Variants in AP1S3 observed in about 807,000 individuals in gnomAD.
The protein encoded by AP1S3 is adaptor related protein complex 1 subunit sigma 3.
Under a neutral mutation model 20.9 loss-of-function variants are expected in AP1S3, and 10 were observed. The ratio of observed to expected loss-of-function variants is 0.48; its 90% CI spans 0.29 to 0.81. The LOEUF (loss-of-function observed/expected upper bound fraction) is 0.81, where lower values mean the gene tolerates loss of function less well. AP1S3 is among the 30% of genes least tolerant of loss of function. The pLI is 0.08. For missense variants in AP1S3, 154 were observed against 183.8 expected (o/e 0.84, Z 0.94); for synonymous variants, 41 against 61.5 (o/e 0.67, Z 1.56).
intron 3 of AP1S3, 38 bp from the exon 4 acceptor site, chr2:223,765,388 G>C (rs1206481654): frequency 6.3e-7 from 1 of 1,580,444 alleles, no homozygotes. Context: ...TAAACTTGCA[G>C]TTGTATCAGG....
At position 223,765,316 on chromosome 2, in the gene AP1S3, T is replaced by G. The variant is rs1460999934; in HGVS notation, c.326A>C (p.Lys109Thr). 1 of 1,612,924 alleles carries G rather than the reference T, an allele frequency of 6.2e-7. No homozygotes were observed. The highest frequency in any genetic ancestry group is 8.5e-7 in the Non-Finnish European group (1 of 1,179,776). ...AAACTCGTCCAGGATGAAATAAGCC[T>G]TTTCAAAATTAAAGATAATATCCAG... ...CELDIIFNFE[K>T]AYFILDEFII... Residue 109 changes from lysine (K) to threonine (T), a missense_variant, in exon 4 of 5, where the codon AAG becomes ACG. Coordinates refer to ENST00000396654, the MANE Select transcript of AP1S3 (RefSeq NM_001039569.2).
rs527671959 is a variant in AP1S3, at chr2:223,828,058, T to TAAAAA, written c.3+9385_3+9389dup. Among the ~76,000 whole-genome samples the TAAAAA allele has an allele frequency of 1.1e-3, 102 of 94,376 alleles. 1 individual carries two copies. Among genetic ancestry groups the TAAAAA allele is most frequent in the Non-Finnish European group, 1.3e-3 (57 of 44,156 alleles). 61.9% of individuals were successfully genotyped at this position (94,376 alleles called of 152,430 possible). A position where few individuals can be genotyped will look rare whatever the true frequency, so the allele number is the denominator to read the frequency against. On this transcript the variant is annotated intron_variant, in intron 1 of 4. Coordinates refer to ENST00000396654, the MANE Select transcript of AP1S3 (RefSeq NM_001039569.2). Reference sequence around the variant, plus strand: ...TGGGGTACAAGAGCAAGACTTCATCTAAAAAAAAAAAAAAAAAAAAAAAAA... The same window carrying TAAAAA: ...TGGGGTACAAGAGCAAGACTTCATCTAAAAAAAAAAAAAAAAAAAAAAAAAAAAAA...
intron 1 of AP1S3, among the ~76,000 whole-genome samples, chr2:223,822,887 T>C (rs758609388): frequency 6.7e-6 from 1 of 150,262 alleles, no homozygotes; most frequent in Admixed American, 6.6e-5. Flanking sequence ...AACAACTCAA[T>C]AGCAAAAAAA....
At chr2:223,803,996 T>C (rs560044462) in intron 1 of AP1S3, among the ~76,000 whole-genome samples, 71 of 152,196 alleles carry the variant, frequency 4.7e-4, no homozygotes, top group African/African-American at 1.7e-3. Context: ...AGTGCAAGGA[T>C]GACTTTATTC....
At chr2:223,770,379 C>T in intron 3 of AP1S3, 16 of 1,545,998 alleles carry the variant, frequency 1.0e-5, no homozygotes, top group Non-Finnish European at 1.1e-5. Flanking sequence ...ACTTCTTATA[C>T]CCCACTTTGA....
At chr2:223,764,812 T>C (rs1690437847) in intron 4 of AP1S3, among the ~76,000 whole-genome samples, 1 of 152,200 alleles carries the variant, frequency 6.6e-6, no homozygotes, top group African/African-American at 2.4e-5. Context: ...TTGAAAAGAA[T>C]AGCACTAAGT....
intron 1 of AP1S3, among the ~76,000 whole-genome samples, chr2:223,828,058 T>TAAAAAAAAA (rs527671959): frequency 3.4e-4 from 32 of 94,638 alleles, no homozygotes; most frequent in African/African-American, 7.5e-4. Context: ...AGACTTCATC[T>TAAAAAAAAA]AAAAAAAAAA....
chr2:223,773,737 AG>A (rs1450760300), intron 3 of AP1S3, among the ~76,000 whole-genome samples: 8 of 20,532 alleles, frequency 3.9e-4, no homozygotes, highest in African/African-American at 1.6e-3. Context: ...AATAACAACA[AG>A]AACAAAAAAA....
chr2:223,765,084 T>C (rs1173011363), intron 4 of AP1S3, 129 bp downstream of exon 4: 5 of 1,326,660 alleles, frequency 3.8e-6, no homozygotes, highest in African/African-American at 1.5e-5. Context: ...AGCTAATACA[T>C]ATAAATAGTT....
intron 1 of AP1S3, among the ~76,000 whole-genome samples, chr2:223,793,850 G>A (rs978985370): frequency 6.6e-6 from 1 of 151,690 alleles, no homozygotes; most frequent in Non-Finnish European, 1.5e-5. Context: ...CACCATGCTG[G>A]CCAGGCTCGT....
chr2:223,780,276 A>AATATATATATATATATAT (rs138804582), intron 1 of AP1S3, among the ~76,000 whole-genome samples: 4 of 24,384 alleles, frequency 1.6e-4, no homozygotes, highest in African/African-American at 3.1e-4. Flanking sequence ...ATGCCTGGCT[A>AATATATATATATATATAT]ATATATATAT....
At chr2:223,831,946 G>A (rs1280427269) in intron 1 of AP1S3, among the ~76,000 whole-genome samples, 1 of 151,930 alleles carries the variant, frequency 6.6e-6, no homozygotes, top group Non-Finnish European at 1.5e-5. Flanking sequence ...GCATGGTGGC[G>A]GGAGCCTGTA....
intron 1 of AP1S3, among the ~76,000 whole-genome samples, chr2:223,815,515 C>T (rs1034911459): frequency 6.6e-6 from 1 of 152,154 alleles, no homozygotes. Flanking sequence ...CTGAGGACTG[C>T]GGTACTAACC....
chr2:223,828,071 AAAAAAAAAAAAAAAAAAAAAAAG>A (rs1692174712), intron 1 of AP1S3, among the ~76,000 whole-genome samples: 1 of 38,574 alleles, frequency 2.6e-5, no homozygotes, highest in Admixed American at 3.7e-4. Context: ...AAAAAAAAAA[AAAAAAAAAAAAAAAAAAAAAAAG>A]AAGAAGAAGA....
Position 223,821,697 on chromosome 2 carries a change from C to T in AP1S3, c.3+15751G>A, listed in dbSNP as rs114403536. Among the ~76,000 whole-genome samples, 972 of 152,238 alleles carry T rather than the reference C, an allele frequency of 6.4e-3. 11 individuals are homozygous for T. Among genetic ancestry groups the T allele is most frequent in the African/African-American group, 0.022 (910 of 41,538 alleles). ...TGGCCCCTCCAGCCAGCTATGGACA[C>T]GAAAACCCCCATCTTCCAGCCACAC... On this transcript the variant is annotated intron_variant, in intron 1 of 4. Transcript: ENST00000396654.
chr2:223,809,030 T>C (rs1691650275), intron 1 of AP1S3, among the ~76,000 whole-genome samples: 1 of 152,164 alleles, frequency 6.6e-6, no homozygotes, highest in Non-Finnish European at 1.5e-5. Context: ...CTGGGGAAGT[T>C]TGAGGAGACC....
In AP1S3 at chr2:223,755,474, C is replaced by T. The variant is rs1326745079; in HGVS notation, c.*3241G>A. Among the ~76,000 whole-genome samples, 1 of 151,338 alleles carries T rather than the reference C, an allele frequency of 6.6e-6. No individual in the cohort carries two copies. Among genetic ancestry groups the T allele is most frequent in the Non-Finnish European group, 1.5e-5 (1 of 67,940 alleles). On this transcript the variant is annotated 3_prime_UTR_variant, in exon 5 of 5. Coordinates refer to ENST00000396654, the MANE Select transcript of AP1S3 (RefSeq NM_001039569.2). ...TAGCCTAGGCCCATGGAAGATGTCC[C>T]TAAAATCCCTCAAATTTACCCCACT...
At chr2:223,770,048 T>C in intron 3 of AP1S3, 1 of 1,306,572 alleles carries the variant, frequency 7.7e-7, no homozygotes, top group Non-Finnish European at 1.0e-6. Context: ...CCGGCCGCGA[T>C]CCTATTTTTA....
chr2:223,818,257 A>C (rs929291137), intron 1 of AP1S3, among the ~76,000 whole-genome samples: 12 of 152,040 alleles, frequency 7.9e-5, no homozygotes, highest in African/African-American at 2.9e-4. Context: ...TCTCTACTAA[A>C]AATATAAAAA....
Sources: allele counts gnomAD v4.1 joint callset (sites outside exome capture counted in the v4.1 genomes callset), GRCh38; gene constraint gnomAD v4.1.1; transcripts MANE v1.5; gene names NCBI Gene and HGNC (gene_info 2026-07-23, HGNC 2026-07-21).